The following TMED8 variants were observed in gnomAD, a reference collection of about 807,000 sequenced individuals.
TMED8 encodes protein TMED8.
TMED8 carries 15 observed loss-of-function variants against 32.7 expected under a neutral mutation model. That is an observed-to-expected ratio of 0.46 (90% CI 0.31 to 0.71). The LOEUF (loss-of-function observed/expected upper bound fraction) is 0.71. TMED8 is among the 30% of genes least tolerant of loss of function. The probability of loss-of-function intolerance (pLI) is 0.06; values close to 1 mark genes in which losing one functional copy is unlikely to be tolerated. For synonymous variants in TMED8, 147 were observed against 161.4 expected, an observed-to-expected ratio of 0.91 and a Z score of 0.68; for missense variants, 390 against 423.9, an observed-to-expected ratio of 0.92 and a Z score of 0.70.
chr14:77,343,802 G>A lies in TMED8; in HGVS notation c.349C>T (p.Gln117Ter). Reference protein sequence around the residue: ...LNEMAKYQVPQRSGDIVMIQS... With the variant: ...LNEMAKYQVP ...ATCATAACGATGTCCCCAGACCTCT[G>A]TGGAACTTGATACTTAGCCATCTGC... Residue 117 changes from glutamine to a stop codon, truncating the protein, a stop_gained, in exon 4 of 6, where the codon CAG becomes TAG. Transcript: ENST00000216468. LOFTEE classifies it high-confidence loss of function. 2 of 1,613,740 alleles carry A rather than the reference G, an allele frequency of 1.2e-6. No individual in the cohort carries two copies. Among genetic ancestry groups the A allele is most frequent in the Non-Finnish European group, 1.7e-6 (2 of 1,179,808 alleles).
rs1203384051 is a variant in TMED8, at chr14:77,376,821, G to A, written c.118+115C>T. ...GGGCCCCGCGCGCGAAGGGGCTGCC[G>A]AGGTGGGTCCGCTCCGCGGGGAAGC... On this transcript the variant is annotated intron_variant, in intron 1 of 5. Coordinates refer to ENST00000216468, the MANE Select transcript of TMED8 (RefSeq NM_213601.3). The surrounding 1 kb of genome is among the most constrained non-coding windows in gnomAD (Gnocchi z 4.0). 3.5e-6 allele frequency: 2 copies of A among 565,458 alleles called. No individual in the cohort carries two copies. The highest frequency in any genetic ancestry group is 6.8e-5 in the South Asian group (1 of 14,770). 35.0% of individuals were successfully genotyped at this position (565,458 alleles called of 1,614,324 possible). A position where few individuals can be genotyped will look rare whatever the true frequency, so the allele number is the denominator to read the frequency against.
At chr14:77,363,365 G>A (rs961346669) in intron 1 of TMED8, among the ~76,000 whole-genome samples, 1 of 152,166 alleles carries the variant, frequency 6.6e-6, no homozygotes, top group Admixed American at 6.6e-5. Context: ...ACAACCAATA[G>A]ATTGGTTGAG....
In TMED8 at chr14:77,343,171, A is replaced by C; in HGVS notation, c.760+7T>G. Reference sequence around the variant, plus strand: ...AAAACTGCAAATTAGGTTAAAATTAAATTTACCTTCAATCTCTTCCTCCTC... The same window carrying C: ...AAAACTGCAAATTAGGTTAAAATTACATTTACCTTCAATCTCTTCCTCCTC... On this transcript the variant is annotated splice_region_variant and intron_variant, in intron 5 of 5. Transcript: ENST00000216468. The C allele has an allele frequency of 1.2e-6, 2 of 1,609,158 alleles. No individual in the cohort carries two copies. The highest frequency in any genetic ancestry group is 1.7e-6 in the Non-Finnish European group (2 of 1,176,994).
At chr14:77,346,760 G>GTTTTTTTTTTTTTTTTT in intron 2 of TMED8, among the ~76,000 whole-genome samples, 2 of 69,442 alleles carry the variant, frequency 2.9e-5, no homozygotes, top group Non-Finnish European at 5.3e-5. Flanking sequence ...TGCTGGTCTG[G>GTTTTTTTTTTTTTTTTT]TTTTTTTTTT....
chr14:77,358,141 A>AG (rs1269913184), intron 1 of TMED8, among the ~76,000 whole-genome samples: 4 of 151,016 alleles, frequency 2.6e-5, no homozygotes, highest in African/African-American at 4.8e-5. Flanking sequence ...AAAAAAAAAA[A>AG]AAAGAAATTG....
Position 77,342,003 on chromosome 14 carries a change from T to C in TMED8, c.761-15A>G, listed in dbSNP as rs537803884. The C allele has an allele frequency of 1.2e-6, 2 of 1,612,684 alleles. No individual in the cohort carries two copies. The highest frequency in any genetic ancestry group is 2.2e-5 in the East Asian group (1 of 44,836). ...TGGAACGGGTTCTGCGTGAGCAAAA[T>C]GGCAAAGTGTTCAGAGACTGCGTAA... On this transcript the variant is annotated splice_polypyrimidine_tract_variant and intron_variant, in intron 5 of 5. Transcript: ENST00000216468.
Position 77,345,926 on chromosome 14 carries a change from G to A in TMED8, c.327+423C>T, listed in dbSNP as rs563326045. 4.4e-5 allele frequency among the ~76,000 whole-genome samples: 6 copies of A among 136,354 alleles called. No homozygotes were observed. In the East Asian group the frequency reaches 1.5e-3, roughly 34 times the overall value. 89.5% of individuals were successfully genotyped at this position (136,354 alleles called of 152,430 possible). ...GGAGGTTGCAGTGAGCCAAGATCGT[G>A]CCACTGCACTCCAGCCTGGGCGACA... is the stretch of plus-strand genomic sequence containing the variant. On this transcript the variant is annotated intron_variant, in intron 3 of 5. Transcript: ENST00000216468.
chr14:77,359,598 CA>C (rs1399752502), intron 1 of TMED8: 1 of 399,606 alleles, frequency 2.5e-6, no homozygotes, highest in Non-Finnish European at 4.9e-6. Context: ...TCTACTTGAT[CA>C]AAAAACAGTT....
chr14:77,357,908 G>A (rs1443477912), intron 1 of TMED8, among the ~76,000 whole-genome samples: 1 of 152,096 alleles, frequency 6.6e-6, no homozygotes, highest in Non-Finnish European at 1.5e-5. Flanking sequence ...TGGATCACCT[G>A]AGGTCAGGAG....
intron 3 of TMED8, among the ~76,000 whole-genome samples, 198 bp downstream of exon 3, chr14:77,346,151 C>G (rs911969118): frequency 6.6e-6 from 1 of 152,078 alleles, no homozygotes; most frequent in Non-Finnish European, 1.5e-5. Context: ...TACTGGGTGC[C>G]AGTACAATGA....
chr14:77,353,129 C>T (rs1374145743), intron 1 of TMED8, among the ~76,000 whole-genome samples: 1 of 152,138 alleles, frequency 6.6e-6, no homozygotes, highest in Non-Finnish European at 1.5e-5. Context: ...GCAGTTGTGC[C>T]CTTAACCATC....
chr14:77,372,988 C>T (rs1382204803), intron 1 of TMED8, among the ~76,000 whole-genome samples: 1 of 50,566 alleles, frequency 2.0e-5, no homozygotes, highest in Non-Finnish European at 3.8e-5. Context: ...TTTTTTGAGA[C>T]AGCGTCTCCC....
At chr14:77,357,618 G>C (rs182701131) in intron 1 of TMED8, among the ~76,000 whole-genome samples, 6 of 152,312 alleles carry the variant, frequency 3.9e-5, no homozygotes, top group Admixed American at 3.9e-4. Flanking sequence ...AGTATCGTTA[G>C]AAACACATGA....
chr14:77,357,542 T>C (rs1383261908), intron 1 of TMED8, among the ~76,000 whole-genome samples: 1 of 152,246 alleles, frequency 6.6e-6, no homozygotes, highest in African/African-American at 2.4e-5. Flanking sequence ...GATAAAGACT[T>C]GATCCTTCAC....
chr14:77,361,681 T>C (rs75903005), intron 1 of TMED8, among the ~76,000 whole-genome samples: 2,516 of 138,896 alleles, frequency 0.018, 59 homozygotes, highest in African/African-American at 0.066. Context: ...CAATATTAAT[T>C]TTTCCAAATC....
Position 77,338,076 on chromosome 14 carries a change from T to C in TMED8, c.*3695A>G, listed in dbSNP as rs891091443. On this transcript the variant is annotated 3_prime_UTR_variant, in exon 6 of 6. Coordinates refer to ENST00000216468, the MANE Select transcript of TMED8 (RefSeq NM_213601.3). ...TTACAGGGTGCCTCATATTACCCTCTTCCCTTTGGAATTTAAATACAACTG... is the reference window on the plus strand; with the variant it reads ...TTACAGGGTGCCTCATATTACCCTCCTCCCTTTGGAATTTAAATACAACTG... 3 of 152,146 alleles carry C rather than the reference T, an allele frequency of 2.0e-5. No individual in the cohort carries two copies. Among genetic ancestry groups the C allele is most frequent in the Admixed American group, 2.0e-4 (3 of 15,278 alleles). 9.4% of individuals were successfully genotyped at this position (152,146 alleles called of 1,614,324 possible).
At chr14:77,356,988 ATAGTAATTAC>A (rs2139620440) in intron 1 of TMED8, among the ~76,000 whole-genome samples, 1 of 152,358 alleles carries the variant, frequency 6.6e-6, no homozygotes, top group East Asian at 1.9e-4. Flanking sequence ...ACTGTCCAGT[ATAGTAATTAC>A]TAGTACACGT....
intron 1 of TMED8, among the ~76,000 whole-genome samples, chr14:77,368,588 C>T (rs185113754): frequency 3.3e-4 from 50 of 152,242 alleles, no homozygotes; most frequent in African/African-American, 1.1e-3. Flanking sequence ...AGAGATTCTT[C>T]GGCCTCAGCC....
intron 1 of TMED8, among the ~76,000 whole-genome samples, chr14:77,362,686 G>C (rs1594851120): frequency 6.6e-6 from 1 of 152,038 alleles, no homozygotes; most frequent in East Asian, 1.9e-4. Context: ...CACCGAGTGG[G>C]TGAATGGATT....
Sources: allele counts gnomAD v4.1 joint callset (sites outside exome capture counted in the v4.1 genomes callset), GRCh38; gene constraint gnomAD v4.1.1; non-coding constraint Gnocchi (gnomAD v3.1); transcripts MANE v1.5; gene names NCBI Gene and HGNC (gene_info 2026-07-23, HGNC 2026-07-21).